The following SKAP1 variants were observed in gnomAD, a reference collection of about 807,000 sequenced individuals.
The protein encoded by SKAP1 is src kinase-associated phosphoprotein 1.
A neutral mutation model predicts 58.5 loss-of-function variants in SKAP1; 44 were observed. The observed-to-expected ratio is 0.75, with a 90% CI of 0.59 to 0.97. The LOEUF is 0.97. Among genes scored for constraint, SKAP1 ranks in the 50% least tolerant of loss-of-function variants. SKAP1 has a pLI of 0.00. For synonymous variants in SKAP1, 127 were observed against 149.7 expected (o/e 0.85, Z 1.11); for missense variants, 390 against 435.2 (o/e 0.90, Z 0.92).
At chr17:48,384,563 C>T (rs2067253711) in intron 2 of SKAP1, among the ~76,000 whole-genome samples, 1 of 152,164 alleles carries the variant, frequency 6.6e-6, no homozygotes, top group Non-Finnish European at 1.5e-5. Flanking sequence ...AGCAGAGTAA[C>T]GTCCTACTGC....
chr17:48,375,215 T>C (rs754220515), intron 2 of SKAP1, among the ~76,000 whole-genome samples: 29 of 152,184 alleles, frequency 1.9e-4, no homozygotes, highest in Non-Finnish European at 2.8e-4. Context: ...CCCATCTAGG[T>C]AGATAATACA....
At position 48,182,393 on chromosome 17, in the gene SKAP1, C is replaced by T; in HGVS notation, c.631+1G>A. ...ATTATTTCTGTAACAATGACACTTA[C>T]CCTTTAACAAGAAACTTATTTGATC... On this transcript the variant is annotated splice_donor_variant, in intron 8 of 12. Transcript: ENST00000336915. LOFTEE classifies it high-confidence loss of function. The T allele has an allele frequency of 1.3e-6, 2 of 1,598,448 alleles. No individual in the cohort carries two copies. The highest frequency in any genetic ancestry group is 1.7e-6 in the Non-Finnish European group (2 of 1,168,258).
chr17:48,214,572 C>T (rs1316632789), intron 4 of SKAP1, among the ~76,000 whole-genome samples: 1 of 151,376 alleles, frequency 6.6e-6, no homozygotes, highest in African/African-American at 2.4e-5. Flanking sequence ...TGCACTGGGC[C>T]TGATTGTTTC....
chr17:48,187,692 G>A (rs1306757383), intron 6 of SKAP1, 151 bp downstream of exon 6: 5 of 552,142 alleles, frequency 9.1e-6, no homozygotes, highest in Non-Finnish European at 1.6e-5. Flanking sequence ...TGATGGGCAA[G>A]GTATTATTTG....
At chr17:48,383,878 C>A (rs1299171862) in intron 2 of SKAP1, among the ~76,000 whole-genome samples, 8 of 151,832 alleles carry the variant, frequency 5.3e-5, no homozygotes, top group African/African-American at 1.7e-4. Context: ...CATCATCATG[C>A]CCGGCTAATT....
chr17:48,293,833 T>C (rs2065928726), intron 4 of SKAP1, among the ~76,000 whole-genome samples: 1 of 152,224 alleles, frequency 6.6e-6, no homozygotes, highest in South Asian at 2.1e-4. Flanking sequence ...CACAGCAGCA[T>C]TGCTGCCGGG....
intron 2 of SKAP1, among the ~76,000 whole-genome samples, chr17:48,378,269 G>C (rs1463961332): frequency 1.3e-5 from 2 of 152,184 alleles, no homozygotes; most frequent in Admixed American, 1.3e-4. Flanking sequence ...GAAGAGCAAA[G>C]TCTTTGCAGA....
intron 10 of SKAP1, among the ~76,000 whole-genome samples, chr17:48,162,850 G>A (rs1253933511): frequency 4.6e-5 from 7 of 152,140 alleles, no homozygotes; most frequent in African/African-American, 1.7e-4. Context: ...AATCAGGCAG[G>A]TAATTTTTCA....
At chr17:48,234,479 G>A (rs1221076947) in intron 4 of SKAP1, among the ~76,000 whole-genome samples, 1 of 152,206 alleles carries the variant, frequency 6.6e-6, no homozygotes, top group African/African-American at 2.4e-5. Context: ...CACCTGTGAA[G>A]AAAACTGAGG....
intron 4 of SKAP1, among the ~76,000 whole-genome samples, chr17:48,194,872 A>G (rs2064602297): frequency 6.6e-6 from 1 of 152,152 alleles, no homozygotes; most frequent in South Asian, 2.1e-4. Context: ...GTTTAGCAGG[A>G]TCCTTCATTA....
At position 48,225,861 on chromosome 17, in the gene SKAP1, T is replaced by G. The variant is rs969776756; in HGVS notation, c.281-36361A>C. On this transcript the variant is annotated intron_variant, in intron 4 of 12. Transcript: ENST00000336915. ...GTTGAGAGAGATGAGTAAAGAACAC[T>G]GACTAGGACGTGCGAGAAAAGACAG... Among the ~76,000 whole-genome samples, 13 of 152,302 alleles carry G rather than the reference T, an allele frequency of 8.5e-5. No individual in the cohort carries two copies. The East Asian group carries it at 2.5e-3, about 29-fold the overall frequency.
chr17:48,205,011 TTCTTTTTC>T (rs2064786514), intron 4 of SKAP1, among the ~76,000 whole-genome samples: 4 of 25,432 alleles, frequency 1.6e-4, no homozygotes, highest in Non-Finnish European at 2.8e-4. Context: ...CTTTCTTTCT[TTCTTTTTC>T]TTTCTTTCTT....
At chr17:48,224,078 A>AGGAGGAGGG (rs2065039626) in intron 4 of SKAP1, among the ~76,000 whole-genome samples, 1 of 63,948 alleles carries the variant, frequency 1.6e-5, no homozygotes, top group Non-Finnish European at 3.1e-5. Flanking sequence ...AAGGAGGAGG[A>AGGAGGAGGG]GGAGGAGGAA....
At chr17:48,433,993 C>A (rs2067930015), upstream of SKAP1, among the ~76,000 whole-genome samples, 1 of 152,230 alleles carries the variant, frequency 6.6e-6, no homozygotes, top group Non-Finnish European at 1.5e-5. Context: ...GCTGGCACCG[C>A]TCTGCCCTGG....
chr17:48,140,413 G>T, intron 11 of SKAP1, among the ~76,000 whole-genome samples: 1 of 151,970 alleles, frequency 6.6e-6, no homozygotes, highest in African/African-American at 2.4e-5. Context: ...TTTTTAATGT[G>T]GTTGTTTTCC....
At chr17:48,138,824 G>A (rs1402564751) in intron 11 of SKAP1, among the ~76,000 whole-genome samples, 3 of 150,550 alleles carry the variant, frequency 2.0e-5, no homozygotes, top group Non-Finnish European at 4.4e-5. Flanking sequence ...TCTGAGTATG[G>A]GGCTATTTCT....
At chr17:48,443,500 G>C in the SKAP1 span, among the ~76,000 whole-genome samples, 6,809 of 145,986 alleles carry the variant, frequency 0.047, 463 homozygotes, top group African/African-American at 0.15. Context: ...GTTTGAGACA[G>C]AGTCTTGCTC....
intron 4 of SKAP1, among the ~76,000 whole-genome samples, chr17:48,333,697 A>G (rs2144276945): frequency 6.6e-6 from 1 of 152,188 alleles, no homozygotes; most frequent in Admixed American, 6.5e-5. Context: ...AAAATTTAAA[A>G]TTTTATCCAT....
intron 1 of SKAP1, among the ~76,000 whole-genome samples, chr17:48,398,055 A>T (rs900533815): frequency 6.6e-6 from 1 of 150,662 alleles, no homozygotes; most frequent in Admixed American, 6.7e-5. Context: ...TATCATATAT[A>T]TCAGGAGTCC....
Sources: gnomAD v4.1 joint callset for allele counts (sites outside exome capture counted in the v4.1 genomes callset) on GRCh38, gnomAD v4.1.1 for gene constraint, MANE v1.5 for transcripts, NCBI Gene and HGNC (gene_info 2026-07-23, HGNC 2026-07-21) for gene names.